The following ATP2C1 variants were observed in gnomAD, a reference collection of about 807,000 sequenced individuals.
ATP2C1 encodes ATPase secretory pathway Ca2+ transporting 1, also known as calcium-transporting ATPase type 2C member 1.
Under a neutral mutation model 120.5 loss-of-function variants are expected in ATP2C1, and 31 were observed. The ratio of observed to expected loss-of-function variants is 0.26; its 90% CI spans 0.19 to 0.35. The LOEUF (loss-of-function observed/expected upper bound fraction) is 0.35, where lower values mean the gene tolerates loss of function less well. ATP2C1 is among the 10% of genes least tolerant of loss of function. The pLI is 1.00. For synonymous variants in ATP2C1, 351 were observed against 358.7 expected (o/e 0.98, Z 0.24); for missense variants, 731 against 1,107.5 (o/e 0.66, Z 4.83).
chr3:130,971,590 A>G lies in ATP2C1; in HGVS notation c.1413+2194A>G, dbSNP rs1014359233. Among the ~76,000 whole-genome samples the G allele has an allele frequency of 5.9e-5, 9 of 152,326 alleles. No homozygotes were observed. The South Asian group carries it at 1.0e-3, about 18-fold the overall frequency. On this transcript the variant is annotated intron_variant, in intron 17 of 27. Transcript: ENST00000510168. ...CCTGGAACCCACCAAAATTACTAAC[A>G]AGGAATAAAAGATATAAACTCAGAA...
At chr3:130,856,780 T>G (rs540790935) in intron 1 of ATP2C1, among the ~76,000 whole-genome samples, 1 of 152,308 alleles carries the variant, frequency 6.6e-6, no homozygotes, top group East Asian at 1.9e-4. Flanking sequence ...TGCTTGTGCT[T>G]GAGTAGAAAA....
chr3:130,950,762 GT>G (rs2060337221), intron 8 of ATP2C1, among the ~76,000 whole-genome samples: 1 of 152,000 alleles, frequency 6.6e-6, no homozygotes, highest in Non-Finnish European at 1.5e-5. Context: ...CAGCTTGTCT[GT>G]TCCACCAGAC....
chr3:130,980,570 C>A lies in ATP2C1; in HGVS notation c.1742-12C>A, dbSNP rs574812146. 3.1e-6 allele frequency: 5 copies of A among 1,603,232 alleles called. No homozygotes were observed. The South Asian group carries it at 4.4e-5, about 14-fold the overall frequency. On this transcript the variant is annotated splice_polypyrimidine_tract_variant and intron_variant, in intron 19 of 27. Transcript: ENST00000510168. Reference sequence around the variant, plus strand: ...ATTTGGTTTATTACATTTTCTCTCTCATTTGCTTTAGCCAGTCGTCTGGGA... The same window carrying A: ...ATTTGGTTTATTACATTTTCTCTCTAATTTGCTTTAGCCAGTCGTCTGGGA...
intron 1 of ATP2C1, among the ~76,000 whole-genome samples, chr3:130,884,034 C>T (rs1056460485): frequency 2.7e-5 from 4 of 148,102 alleles, no homozygotes; most frequent in African/African-American, 9.9e-5. Flanking sequence ...CTCCGCCTCT[C>T]GGGTTCAAGT....
chr3:131,007,538 C>T (rs1301825152), downstream of ATP2C1, among the ~76,000 whole-genome samples: 1 of 152,156 alleles, frequency 6.6e-6, no homozygotes, highest in Non-Finnish European at 1.5e-5. Context: ...CACTCAATGC[C>T]AGAAACTGAG....
rs1553764222 is a variant in ATP2C1, at chr3:130,941,252, G to GTGTGTGTGTGTGTGTC, written c.423-326_423-325insGTCTGTGTGTGTGTGT. ...TGTGTGTGTGTGTGTGTGTGTGTGT[G>GTGTGTGTGTGTGTGTC]TGTGTGTGTGTGTCTGTGTGTGTGC... On this transcript the variant is annotated intron_variant, in intron 7 of 27. Transcript: ENST00000510168. Among the ~76,000 whole-genome samples, 30 of 144,378 alleles carry GTGTGTGTGTGTGTGTC rather than the reference G, an allele frequency of 2.1e-4. No individual in the cohort carries two copies. The South Asian group carries it at 4.6e-3, about 22-fold the overall frequency. 94.7% of individuals were successfully genotyped at this position (144,378 alleles called of 152,430 possible).
At chr3:130,927,603 A>G (rs748114624) in intron 2 of ATP2C1, among the ~76,000 whole-genome samples, 1 of 152,168 alleles carries the variant, frequency 6.6e-6, no homozygotes, top group Non-Finnish European at 1.5e-5. Context: ...GGATTGAGAA[A>G]ACCAGCTCTG....
At chr3:131,014,519 T>A in intron 26 of ATP2C1, 1 of 854,338 alleles carries the variant, frequency 1.2e-6, no homozygotes, top group Non-Finnish European at 1.7e-6. Flanking sequence ...TTATCGAAAT[T>A]ACTTAAGAAT....
intron 5 of ATP2C1, among the ~76,000 whole-genome samples, chr3:130,937,159 C>CCA (rs1410402187): frequency 6.6e-6 from 1 of 151,966 alleles, no homozygotes; most frequent in African/African-American, 2.4e-5. Context: ...TATATATAAC[C>CCA]CACTTAAAAG....
At chr3:130,863,860 T>C (rs2068088781) in intron 1 of ATP2C1, among the ~76,000 whole-genome samples, 1 of 152,220 alleles carries the variant, frequency 6.6e-6, no homozygotes, top group African/African-American at 2.4e-5. Flanking sequence ...TCCCTAGTCA[T>C]GTGGAAATGT....
At chr3:131,003,261 A>G (rs971953119), downstream of ATP2C1, 2 of 710,724 alleles carry the variant, frequency 2.8e-6, no homozygotes, top group East Asian at 1.3e-4. Context: ...CACAGAATCT[A>G]TGATTTAAAA....
intron 2 of ATP2C1, among the ~76,000 whole-genome samples, chr3:130,915,744 G>T (rs1047215157): frequency 6.6e-6 from 1 of 152,174 alleles, no homozygotes; most frequent in South Asian, 2.1e-4. Context: ...GGTATGGAGT[G>T]TGCAGGCTGG....
At chr3:130,898,719 G>C (rs1351074122) in intron 2 of ATP2C1, among the ~76,000 whole-genome samples, 2 of 152,048 alleles carry the variant, frequency 1.3e-5, no homozygotes, top group African/African-American at 2.4e-5. Flanking sequence ...CAGAATTCAG[G>C]TCTGTTAACG....
chr3:131,012,283 A>AGTCTTGCTCT (rs1367201695), intron 26 of ATP2C1, among the ~76,000 whole-genome samples: 1 of 130,516 alleles, frequency 7.7e-6, no homozygotes, highest in Non-Finnish European at 1.6e-5. Context: ...TTTTTGAGAC[A>AGTCTTGCTCT]GTCTTGCTCT....
chr3:130,860,276 A>G (rs997525312), intron 1 of ATP2C1, among the ~76,000 whole-genome samples: 2 of 152,216 alleles, frequency 1.3e-5, no homozygotes, highest in African/African-American at 4.8e-5. Context: ...CACCTTGTAC[A>G]GACAGTCCCA....
chr3:130,879,358 T>C (rs2068710602), intron 1 of ATP2C1, among the ~76,000 whole-genome samples: 1 of 152,206 alleles, frequency 6.6e-6, no homozygotes, highest in African/African-American at 2.4e-5. Flanking sequence ...TGAATCACCA[T>C]GCCTGGCTGA....
chr3:130,889,746 A>T (rs970566264), upstream of ATP2C1, among the ~76,000 whole-genome samples: 1 of 147,920 alleles, frequency 6.8e-6, no homozygotes, highest in African/African-American at 2.6e-5. Flanking sequence ...CCTGGGCTTA[A>T]GCAATCTTCC....
chr3:131,016,365 A>T, exon 27 of ATP2C1: 1 of 1,613,558 alleles, frequency 6.2e-7, no homozygotes, highest in South Asian at 1.1e-5. Context: ...GCCCAAGGGC[A>T]GTATTTCTAA....
intron 10 of ATP2C1, among the ~76,000 whole-genome samples, chr3:130,955,390 G>C (rs938759672): frequency 6.6e-6 from 1 of 152,140 alleles, no homozygotes; most frequent in Admixed American, 6.6e-5. Context: ...TTAGTAATTA[G>C]TATATTTGTA....
Sources: gnomAD v4.1 joint callset for allele counts (sites outside exome capture counted in the v4.1 genomes callset) on GRCh38, gnomAD v4.1.1 for gene constraint, MANE v1.5 for transcripts, NCBI Gene and HGNC (gene_info 2026-07-23, HGNC 2026-07-21) for gene names.